AIG1: variants seen among roughly 807,000 people sequenced by gnomAD.
AIG1 encodes the protein androgen-induced gene 1 protein.
A neutral mutation model predicts 31.4 loss-of-function variants in AIG1; 23 were observed. The ratio of observed to expected loss-of-function variants is 0.73; its 90% CI spans 0.53 to 1.04. The LOEUF is 1.04. Among genes scored for constraint, AIG1 ranks in the 50% least tolerant of loss-of-function variants. AIG1 has a pLI of 0.00. For synonymous variants in AIG1, 100 were observed against 110.5 expected (o/e 0.90, Z 0.60); for missense variants, 274 against 295.0 (o/e 0.93, Z 0.52).
At chr6:143,107,659 C>G (rs989171670) in intron 1 of AIG1, among the ~76,000 whole-genome samples, 1 of 152,076 alleles carries the variant, frequency 6.6e-6, no homozygotes, top group Admixed American at 6.5e-5. Flanking sequence ...AAGAGGCTGA[C>G]TGGAATGAGA....
rs1797529177 is a variant in AIG1, at chr6:143,284,107, C to T, written c.400-3C>T. 6.2e-7 allele frequency: 1 copy of T among 1,608,722 alleles called. No homozygotes were observed. The highest frequency in any genetic ancestry group is 8.5e-7 in the Non-Finnish European group (1 of 1,175,538). ...GTGTCACCTAGTCTCTGTTATTTTC[C>T]AGCACACGACGGTTCTGCCCTTTAT... On this transcript the variant is annotated splice_polypyrimidine_tract_variant and splice_region_variant and intron_variant, in intron 3 of 5. Coordinates refer to ENST00000357847, the MANE Select transcript of AIG1 (RefSeq NM_016108.4). This position sits in a 1 kb window ranked among gnomAD's most constrained non-coding sequence, Gnocchi z 4.4.
rs191146210 is a variant in AIG1 at position 143,220,336 on chromosome 6, C to T, written c.399+55153C>T. 9.2e-5 allele frequency among the ~76,000 whole-genome samples: 14 copies of T among 152,284 alleles called. No homozygotes were observed. In the East Asian group the frequency reaches 1.7e-3, roughly 19 times the overall value. ...TTATGTTTACTTGAATCCCTCTACA[C>T]GCACTGAAATGTGAACCCATAGAGA... On this transcript the variant is annotated intron_variant, in intron 3 of 5. Transcript: ENST00000357847.
At chr6:143,166,778 C>T (rs1007459818) in intron 3 of AIG1, among the ~76,000 whole-genome samples, 9 of 152,134 alleles carry the variant, frequency 5.9e-5, no homozygotes, top group African/African-American at 2.2e-4. Context: ...TAAATTTTCA[C>T]AGTGGCGCTA....
intron 3 of AIG1, among the ~76,000 whole-genome samples, chr6:143,264,493 G>A (rs1285106484): frequency 6.6e-6 from 1 of 152,216 alleles, no homozygotes; most frequent in East Asian, 1.9e-4. Flanking sequence ...GGCGCTTGCA[G>A]GAAGCCCCAC....
intron 1 of AIG1, among the ~76,000 whole-genome samples, chr6:143,072,525 C>G (rs1014523552): frequency 6.6e-6 from 1 of 151,882 alleles, no homozygotes; most frequent in African/African-American, 2.4e-5. Flanking sequence ...TTGTTCCTAT[C>G]TTAGGAGGAA....
intron 1 of AIG1, 79 bp from the exon 2 acceptor site, chr6:143,136,756 A>G (rs762785487): frequency 3.5e-5 from 43 of 1,221,618 alleles, no homozygotes; most frequent in Non-Finnish European, 4.5e-5. Context: ...GTCATGTTGT[A>G]CACCAGCAGC....
intron 4 of AIG1, among the ~76,000 whole-genome samples, chr6:143,304,732 T>C (rs557631697): frequency 3.3e-5 from 5 of 151,770 alleles, no homozygotes; most frequent in South Asian, 2.1e-4. Flanking sequence ...AGAATGATGC[T>C]GGCCTCATAA....
downstream of AIG1, chr6:143,342,436 G>A (rs1777876618): frequency 2.5e-5 from 19 of 759,488 alleles, 1 homozygote; most frequent in South Asian, 2.7e-4. Flanking sequence ...GAACCTCGAA[G>A]ATCAGACACG....
chr6:143,154,570 A>ACTT (rs1375962103), intron 2 of AIG1, among the ~76,000 whole-genome samples: 26 of 152,168 alleles, frequency 1.7e-4, no homozygotes, highest in African/African-American at 5.1e-4. Context: ...ATAACAGAAT[A>ACTT]CTTCTGTATC....
intron 3 of AIG1, among the ~76,000 whole-genome samples, chr6:143,183,417 A>G (rs1788930662): frequency 6.6e-6 from 1 of 152,124 alleles, no homozygotes; most frequent in Non-Finnish European, 1.5e-5. Context: ...GATGGCCTCA[A>G]TCTCCTGACC....
intron 3 of AIG1, among the ~76,000 whole-genome samples, chr6:143,265,027 T>A (rs1254729675): frequency 6.6e-6 from 1 of 152,240 alleles, no homozygotes; most frequent in Non-Finnish European, 1.5e-5. Context: ...TACCAGCAGA[T>A]GAGAAATCAT....
intron 3 of AIG1, among the ~76,000 whole-genome samples, chr6:143,222,478 G>A (rs1792605911): frequency 6.6e-6 from 1 of 151,990 alleles, no homozygotes; most frequent in South Asian, 2.1e-4. Context: ...AAAAGTGCTG[G>A]CCCCAGAGTC....
intron 3 of AIG1, among the ~76,000 whole-genome samples, chr6:143,241,940 G>T (rs577054580): frequency 6.6e-6 from 1 of 152,170 alleles, no homozygotes; most frequent in South Asian, 2.1e-4. Flanking sequence ...TTCATGTTTA[G>T]ATTTGGGTCC....
intron 2 of AIG1, among the ~76,000 whole-genome samples, chr6:143,138,695 C>T (rs891356552): frequency 7.9e-5 from 12 of 151,952 alleles, no homozygotes; most frequent in African/African-American, 2.9e-4. Flanking sequence ...AGATCAAGAC[C>T]ATCCTGGCTA....
chr6:143,090,302 TATCTATCC>T (rs1344920377), intron 1 of AIG1, among the ~76,000 whole-genome samples: 2 of 152,188 alleles, frequency 1.3e-5, no homozygotes, highest in African/African-American at 4.8e-5. Flanking sequence ...TCTTTCTATC[TATCTATCC>T]ATCCATCCAT....
intron 3 of AIG1, among the ~76,000 whole-genome samples, chr6:143,209,801 A>G (rs1288565809): frequency 6.6e-6 from 1 of 152,162 alleles, no homozygotes; most frequent in Non-Finnish European, 1.5e-5. Context: ...CATACTGTTG[A>G]TTTCTTTTGT....
intron 3 of AIG1, among the ~76,000 whole-genome samples, chr6:143,201,611 G>A (rs1229479271): frequency 1.3e-5 from 2 of 152,172 alleles, no homozygotes. Context: ...CGAATAATCT[G>A]AGAGATGCAG....
intron 1 of AIG1, among the ~76,000 whole-genome samples, chr6:143,092,261 T>G (rs74737545): frequency 0.13 from 19,046 of 151,240 alleles, 3,734 homozygotes; most frequent in African/African-American, 0.42. Context: ...TGCATCACCA[T>G]GCTGGGCTAA....
chr6:143,302,378 C>A (rs1429563047), intron 4 of AIG1, among the ~76,000 whole-genome samples: 1 of 151,750 alleles, frequency 6.6e-6, no homozygotes, highest in African/African-American at 2.4e-5. Flanking sequence ...CCCCACTCCC[C>A]CCGACCCCAC....
Sources: allele counts gnomAD v4.1 joint callset (sites outside exome capture counted in the v4.1 genomes callset), GRCh38; gene constraint gnomAD v4.1.1; non-coding constraint Gnocchi (gnomAD v3.1); transcripts MANE v1.5; gene names NCBI Gene and HGNC (gene_info 2026-07-23, HGNC 2026-07-21).